SLC24A2: variants seen among roughly 807,000 people sequenced by gnomAD.
The protein encoded by SLC24A2 is solute carrier family 24 member 2, also known as sodium/potassium/calcium exchanger 2.
A neutral mutation model predicts 62.0 loss-of-function variants in SLC24A2; 36 were observed. That is an observed-to-expected ratio of 0.58 (90% confidence interval 0.44 to 0.77). SLC24A2 has a LOEUF of 0.77. SLC24A2 is among the 30% of genes least tolerant of loss of function. The pLI is 0.00. For missense variants in SLC24A2, 846 were observed against 817.9 expected, an observed-to-expected ratio of 1.03 and a Z score of -0.42; for synonymous variants, 358 against 294.0, an observed-to-expected ratio of 1.22 and a Z score of -2.23.
At position 19,714,537 on chromosome 9, in the gene SLC24A2, A is replaced by G. The variant is rs143961859; in HGVS notation, c.930+71400T>C. 8.6e-3 allele frequency among the ~76,000 whole-genome samples: 1,315 copies of G among 152,350 alleles called. 19 individuals carry two copies. Among genetic ancestry groups the G allele is most frequent in the African/African-American group, 0.03 (1,256 of 41,572 alleles). On this transcript the variant is annotated intron_variant, in intron 2 of 10. Coordinates refer to ENST00000341998, the MANE Select transcript of SLC24A2 (RefSeq NM_020344.4). ...TCTAAACCTTGTTTGTGATTTGTAC[A>G]GTCAGCCATTTTGGCAACCCACATC...
chr9:20,188,142 T>G, the SLC24A2 span, among the ~76,000 whole-genome samples: 2 of 152,186 alleles, frequency 1.3e-5, no homozygotes, highest in African/African-American at 4.8e-5. Flanking sequence ...AAGGGAGGCC[T>G]TGTAGAATTT....
chr9:19,984,723 G>A, the SLC24A2 span, among the ~76,000 whole-genome samples: 1 of 152,020 alleles, frequency 6.6e-6, no homozygotes, highest in African/African-American at 2.4e-5. Flanking sequence ...AAATAAATAA[G>A]CCCAAATATT....
intron 8 of SLC24A2, among the ~76,000 whole-genome samples, chr9:19,545,850 G>A (rs1834538730): frequency 6.6e-6 from 1 of 152,102 alleles, no homozygotes; most frequent in African/African-American, 2.4e-5. Context: ...TGTTAGCCAG[G>A]ATGGTCTCAA....
chr9:19,665,761 C>T (rs370255261), intron 2 of SLC24A2, among the ~76,000 whole-genome samples: 8 of 152,070 alleles, frequency 5.3e-5, no homozygotes, highest in South Asian at 4.2e-4. Flanking sequence ...GTAGCTGGTA[C>T]GCGCCACCAT....
At chr9:19,753,210 C>T (rs943351591) in intron 2 of SLC24A2, among the ~76,000 whole-genome samples, 11 of 152,172 alleles carry the variant, frequency 7.2e-5, no homozygotes, top group African/African-American at 2.4e-4. Context: ...AGGACAGGAG[C>T]CTGCAGCAGA....
At chr9:20,197,757 A>G in the SLC24A2 span, among the ~76,000 whole-genome samples, 1 of 152,150 alleles carries the variant, frequency 6.6e-6, no homozygotes, top group African/African-American at 2.4e-5. Context: ...CATATCGACA[A>G]TAACATTACC....
At chr9:20,249,736 C>A in the SLC24A2 span, among the ~76,000 whole-genome samples, 1 of 147,230 alleles carries the variant, frequency 6.8e-6, no homozygotes, top group African/African-American at 2.6e-5. Flanking sequence ...ATGAGACAGT[C>A]TGAAATGTCA....
chr9:19,606,774 C>T (rs1322724590), intron 4 of SLC24A2, among the ~76,000 whole-genome samples: 1 of 152,156 alleles, frequency 6.6e-6, no homozygotes, highest in Non-Finnish European at 1.5e-5. Flanking sequence ...CTCCTTTGAG[C>T]CCGGGGACAA....
chr9:19,870,441 G>A, the SLC24A2 span, among the ~76,000 whole-genome samples: 1 of 151,932 alleles, frequency 6.6e-6, no homozygotes, highest in Non-Finnish European at 1.5e-5. Context: ...CTACTTTTTA[G>A]CTATTATGAA....
chr9:20,126,013 A>T, the SLC24A2 span, among the ~76,000 whole-genome samples: 1 of 152,120 alleles, frequency 6.6e-6, no homozygotes, highest in South Asian at 2.1e-4. Flanking sequence ...GGCATTATTC[A>T]GTGATATGAA....
At chr9:19,803,918 A>G in the SLC24A2 span, among the ~76,000 whole-genome samples, 1 of 152,324 alleles carries the variant, frequency 6.6e-6, no homozygotes, top group South Asian at 2.1e-4. Flanking sequence ...CATCTTTTAA[A>G]AATATACATT....
At position 19,513,153 on chromosome 9, in the gene SLC24A2, G is replaced by GATATATATATATATATATATAT. The variant is rs1188899124; in HGVS notation, c.*2978_*2999dup. The GATATATATATATATATATATAT allele has an allele frequency of 4.8e-4, 39 of 80,490 alleles. No individual in the cohort carries two copies. The highest frequency in any genetic ancestry group is 8.3e-4 in the East Asian group (2 of 2,410). The allele number at this position is 80,490 out of a possible 1,614,324, so 5.0% of individuals were successfully genotyped here. ...TGTGTACATATAGATCTGGTATAAA[G>GATATATATATATATATATATAT]ATATATATATATATATATATATGTA... On this transcript the variant is annotated 3_prime_UTR_variant, in exon 11 of 11. Coordinates refer to ENST00000341998, the MANE Select transcript of SLC24A2 (RefSeq NM_020344.4).
chr9:20,114,019 G>A, the SLC24A2 span, among the ~76,000 whole-genome samples: 3 of 152,128 alleles, frequency 2.0e-5, no homozygotes, highest in Non-Finnish European at 2.9e-5. Context: ...AGACCACATC[G>A]TAGGAAAAGA....
chr9:19,898,574 C>T, the SLC24A2 span, among the ~76,000 whole-genome samples: 256 of 152,036 alleles, frequency 1.7e-3, 1 homozygote, highest in Non-Finnish European at 1.9e-3. Context: ...AACTCCATCT[C>T]TACTAAAAAT....
the SLC24A2 span, among the ~76,000 whole-genome samples, chr9:19,891,843 C>T: frequency 6.6e-6 from 1 of 152,170 alleles, no homozygotes; most frequent in African/African-American, 2.4e-5. Flanking sequence ...TGGCACTAAA[C>T]CATGCATGAG....
the SLC24A2 span, among the ~76,000 whole-genome samples, chr9:20,080,239 A>G: frequency 0.019 from 2,952 of 152,362 alleles, 89 homozygotes; most frequent in African/African-American, 0.068. Flanking sequence ...CTACAAGGCT[A>G]CAGTAACAAA....
chr9:19,675,195 C>T (rs1819526847), intron 2 of SLC24A2, among the ~76,000 whole-genome samples: 1 of 152,118 alleles, frequency 6.6e-6, no homozygotes, highest in African/African-American at 2.4e-5. Context: ...GCAAAGAGTC[C>T]TGTGATGTGA....
chr9:20,101,517 T>G, the SLC24A2 span, among the ~76,000 whole-genome samples: 1 of 152,210 alleles, frequency 6.6e-6, no homozygotes, highest in Non-Finnish European at 1.5e-5. Context: ...TTAATTGTTC[T>G]TGTAGAATAG....
chr9:20,221,132 G>A, the SLC24A2 span, among the ~76,000 whole-genome samples: 1 of 152,046 alleles, frequency 6.6e-6, no homozygotes, highest in Non-Finnish European at 1.5e-5. Flanking sequence ...AGAAGAAGAA[G>A]AAAACATTTT....
Sources: allele counts gnomAD v4.1 joint callset (sites outside exome capture counted in the v4.1 genomes callset), GRCh38; gene constraint gnomAD v4.1.1; transcripts MANE v1.5; gene names NCBI Gene and HGNC (gene_info 2026-07-23, HGNC 2026-07-21).